Variants in TBC1D16 observed in about 807,000 individuals in gnomAD.
TBC1D16 encodes CTD-2529O21.1.
A neutral mutation model predicts 74.7 loss-of-function variants in TBC1D16; 58 were observed. That is an observed-to-expected ratio of 0.78 (90% CI 0.63 to 0.97). The LOEUF is 0.97. TBC1D16 is among the 50% of genes least tolerant of loss of function. TBC1D16 has a pLI of 0.00. For synonymous variants in TBC1D16, 493 were observed against 474.7 expected, an observed-to-expected ratio of 1.04 and a Z score of -0.50; for missense variants, 1,014 against 1,079.5, an observed-to-expected ratio of 0.94 and a Z score of 0.85.
Position 79,944,559 on chromosome 17 carries a change from C to T in TBC1D16, c.1908+349G>A, listed in dbSNP as rs145551713. ...GCAGGGCGGTCCCGAGGGGGTGGAGCGGTGCTGGCTCACGCTCGTGGGCAC... is the reference window on the plus strand; with the variant it reads ...GCAGGGCGGTCCCGAGGGGGTGGAGTGGTGCTGGCTCACGCTCGTGGGCAC... On this transcript the variant is annotated intron_variant, in intron 10 of 11. Coordinates refer to ENST00000310924, the MANE Select transcript of TBC1D16 (RefSeq NM_019020.4). The surrounding 1 kb of genome is among the most constrained non-coding windows in gnomAD (Gnocchi z 7.7). Among the ~76,000 whole-genome samples, 23 of 152,234 alleles carry T rather than the reference C, an allele frequency of 1.5e-4. No individual in the cohort carries two copies. Among genetic ancestry groups the T allele is most frequent in the South Asian group, 8.3e-4 (4 of 4,820 alleles).
In TBC1D16 at chr17:79,975,820, C is replaced by T. The variant is rs2034307933; in HGVS notation, c.780-23002G>A. On this transcript the variant is annotated intron_variant, in intron 3 of 11. Transcript: ENST00000310924. The surrounding 1 kb of genome is among the most constrained non-coding windows in gnomAD (Gnocchi z 4.5). ...TGCCCACACCTGCAGAGCATGAGCC[C>T]CACTTTGGAATGACGGGGTCTGTGC... Among the ~76,000 whole-genome samples the T allele has an allele frequency of 6.6e-6, 1 of 152,210 alleles. No homozygotes were observed. The highest frequency in any genetic ancestry group is 1.5e-5 in the Non-Finnish European group (1 of 68,048).
rs1456352474 is a variant in TBC1D16, at chr17:79,949,753, T to A, written c.1370A>T (p.Gln457Leu). ...GATCTCAGAGTACTCCTTTCGCTTC[T>A]GCAGCCGCAGCGCCTCCCGCTCCTC... ...TSEEREALRL[Q>L]KRKEYSEIQQ... Residue 457 changes from glutamine to leucine, a missense_variant, in exon 7 of 12, where the codon CAG becomes CTG. Physicochemically the swap from Gln to Leu is moderately radical, Grantham distance 113 (BLOSUM62 -2). Coordinates refer to ENST00000310924, the MANE Select transcript of TBC1D16 (RefSeq NM_019020.4). 6.2e-7 allele frequency: 1 copy of A among 1,613,240 alleles called. No homozygotes were observed. Among genetic ancestry groups the A allele is most frequent in the Admixed American group, 1.7e-5 (1 of 60,014 alleles).
chr17:79,960,778 C>CAA (rs1433555447), intron 3 of TBC1D16, among the ~76,000 whole-genome samples: 1 of 23,150 alleles, frequency 4.3e-5, no homozygotes, highest in African/African-American at 2.5e-4. Flanking sequence ...AAACAAAAAC[C>CAA]CAAAAAAAAA....
intron 10 of TBC1D16, among the ~76,000 whole-genome samples, chr17:79,943,617 C>G (rs1163657183): frequency 6.8e-6 from 1 of 147,120 alleles, no homozygotes; most frequent in African/African-American, 2.5e-5. Context: ...TGGGACCGAC[C>G]GTGGCTAAAT....
intron 9 of TBC1D16, 32 bp from the exon 10 acceptor site, chr17:79,945,119 T>A: frequency 6.5e-7 from 1 of 1,538,266 alleles, no homozygotes; most frequent in Non-Finnish European, 8.8e-7. Flanking sequence ...GTTAGTTAGC[T>A]CCGGTCCCAT....
intron 3 of TBC1D16, among the ~76,000 whole-genome samples, chr17:79,967,095 A>T (rs749089428): frequency 1.3e-5 from 2 of 152,208 alleles, no homozygotes; most frequent in Non-Finnish European, 2.9e-5. Flanking sequence ...ACAACTATAA[A>T]AAAAACCCCA....
At chr17:79,957,419 A>T (rs965324047) in intron 3 of TBC1D16, among the ~76,000 whole-genome samples, 6 of 152,320 alleles carry the variant, frequency 3.9e-5, no homozygotes, top group African/African-American at 1.4e-4. Context: ...CGTCTTACGA[A>T]GGGGTTTACT....
intron 1 of TBC1D16, among the ~76,000 whole-genome samples, chr17:80,034,828 A>T (rs1405054212): frequency 1.3e-5 from 2 of 152,090 alleles, no homozygotes; most frequent in African/African-American, 4.8e-5. Flanking sequence ...CTTTGCGCCC[A>T]CCCTCTGGCA....
In TBC1D16 at chr17:79,932,710, G is replaced by C. The variant is rs113171869; in HGVS notation, c.*8149C>G. The stretch of plus-strand genomic sequence containing the variant: ...GACTTTGGGTGTGGCCTTGGTGAAG[G>C]CTTCCCACTTTGGTGACTTGCATGT... On this transcript the variant is annotated 3_prime_UTR_variant, in exon 12 of 12. Transcript: ENST00000310924. 17 of 152,196 alleles carry C rather than the reference G, an allele frequency of 1.1e-4. No homozygotes were observed. Among genetic ancestry groups the C allele is most frequent in the African/African-American group, 3.9e-4 (16 of 41,452 alleles). 9.4% of individuals were successfully genotyped at this position (152,196 alleles called of 1,614,324 possible).
In TBC1D16 at chr17:79,981,041, G is replaced by T. The variant is rs993252800; in HGVS notation, c.780-28223C>A. ...CACCAACATCCTTTGATAAGACCTT[G>T]GCTACTCATTTATATTCATTTAAAT... On this transcript the variant is annotated intron_variant, in intron 3 of 11. Transcript: ENST00000310924. This position sits in a 1 kb window ranked among gnomAD's most constrained non-coding sequence, Gnocchi z 6.9. Among the ~76,000 whole-genome samples, 1 of 152,184 alleles carries T rather than the reference G, an allele frequency of 6.6e-6. No homozygotes were observed. Among genetic ancestry groups the T allele is most frequent in the Non-Finnish European group, 1.5e-5 (1 of 68,038 alleles).
At chr17:79,942,008 G>GA (rs2032051220) in intron 11 of TBC1D16, 52 bp downstream of exon 11, 1 of 1,503,874 alleles carries the variant, frequency 6.6e-7, no homozygotes, top group African/African-American at 1.4e-5. Flanking sequence ...AGCTGGTGGG[G>GA]TGGGGCTTTG....
At position 79,990,094 on chromosome 17, in the gene TBC1D16, G is replaced by A. The variant is rs1264064902; in HGVS notation, c.779+20066C>T. ...GATCTAATCTTGCCAGGCTCTGGAA[G>A]CTTCCGTCAAGGTTTTCCCACACTC... is the stretch of plus-strand genomic sequence containing the variant. On this transcript the variant is annotated intron_variant, in intron 3 of 11. Transcript: ENST00000310924. The surrounding 1 kb of genome is among the most constrained non-coding windows in gnomAD (Gnocchi z 4.8). 6.6e-6 allele frequency among the ~76,000 whole-genome samples: 1 copy of A among 152,218 alleles called. No individual in the cohort carries two copies. Among genetic ancestry groups the A allele is most frequent in the African/African-American group, 2.4e-5 (1 of 41,454 alleles).
rs2031759339 is a variant in TBC1D16 at position 79,938,431 on chromosome 17, C to T, written c.*2428G>A. 1 of 152,330 alleles carries T rather than the reference C, an allele frequency of 6.6e-6. No homozygotes were observed. The highest frequency in any genetic ancestry group is 2.4e-5 in the African/African-American group (1 of 41,440). The allele number at this position is 152,330 out of a possible 1,614,324, so 9.4% of individuals were successfully genotyped here. A position where few individuals can be genotyped will look rare whatever the true frequency, so the allele number is the denominator to read the frequency against. On this transcript the variant is annotated 3_prime_UTR_variant, in exon 12 of 12. Coordinates refer to ENST00000310924, the MANE Select transcript of TBC1D16 (RefSeq NM_019020.4). ...CAGCAGGGGTGAGAAGCTGTAGGGC[C>T]AGGAGACTCAGAAGGAATGCCTTCT...
intron 1 of TBC1D16, among the ~76,000 whole-genome samples, chr17:80,033,285 T>C (rs941596405): frequency 6.6e-6 from 1 of 152,176 alleles, no homozygotes; most frequent in Admixed American, 6.5e-5. Context: ...GTAGGTAGTA[T>C]AGATGGGGAA....
rs371611476 is a variant in TBC1D16 at position 79,975,868 on chromosome 17, C to T, written c.780-23050G>A. Among the ~76,000 whole-genome samples, 5 of 152,308 alleles carry T rather than the reference C, an allele frequency of 3.3e-5. No homozygotes were observed. Among genetic ancestry groups the T allele is most frequent in the African/African-American group, 1.2e-4 (5 of 41,570 alleles). On this transcript the variant is annotated intron_variant, in intron 3 of 11. Coordinates refer to ENST00000310924, the MANE Select transcript of TBC1D16 (RefSeq NM_019020.4). This position sits in a 1 kb window ranked among gnomAD's most constrained non-coding sequence, Gnocchi z 4.5. ...TGCAGAGACCGGGCAGAGCTCTGGGCTTCAGGATGGCAGCAGCAGCTCCGG... is the reference window on the plus strand; with the variant it reads ...TGCAGAGACCGGGCAGAGCTCTGGGTTTCAGGATGGCAGCAGCAGCTCCGG...
rs1400501748 is a variant in TBC1D16, at chr17:79,936,773, G to C, written c.*4086C>G. On this transcript the variant is annotated 3_prime_UTR_variant, in exon 12 of 12. Transcript: ENST00000310924. Reference sequence around the variant, plus strand: ...TGGCTTAGAAACAAGGGACGAAGTGGATCCTGAGGCTCATTCCCTGGGGAC... The same window carrying C: ...TGGCTTAGAAACAAGGGACGAAGTGCATCCTGAGGCTCATTCCCTGGGGAC... The C allele has an allele frequency of 2.0e-5, 3 of 152,268 alleles. No individual in the cohort carries two copies. The highest frequency in any genetic ancestry group is 7.2e-5 in the African/African-American group (3 of 41,456). The allele number at this position is 152,268 out of a possible 1,614,324, so 9.4% of individuals were successfully genotyped here. A position where few individuals can be genotyped will look rare whatever the true frequency, so the allele number is the denominator to read the frequency against.
rs2031649939 is a variant in TBC1D16 at position 79,936,920 on chromosome 17, G to GTC, written c.*3938_*3939insGA. On this transcript the variant is annotated 3_prime_UTR_variant, in exon 12 of 12. Transcript: ENST00000310924. The stretch of plus-strand genomic sequence containing the variant: ...CGTGTGTGCATGTGCGTGTGTGTGT[G>GTC]TGTGTGTGTGTGTGTGTGTGCGCAT... 6.6e-6 allele frequency: 1 copy of GTC among 151,288 alleles called. No individual in the cohort carries two copies. The highest frequency in any genetic ancestry group is 2.0e-4 in the East Asian group (1 of 5,128). The allele number at this position is 151,288 out of a possible 1,614,324, so 9.4% of individuals were successfully genotyped here.
intron 1 of TBC1D16, among the ~76,000 whole-genome samples, chr17:80,015,645 C>G (rs2036060790): frequency 6.6e-6 from 1 of 151,990 alleles, no homozygotes; most frequent in Non-Finnish European, 1.5e-5. Flanking sequence ...TTGAAGCCAA[C>G]ATGATAAGAA....
chr17:79,943,676 C>A (rs1324602770), intron 10 of TBC1D16, among the ~76,000 whole-genome samples: 1 of 151,702 alleles, frequency 6.6e-6, no homozygotes, highest in East Asian at 1.9e-4. Context: ...GGACTTCCAA[C>A]ACAATGGCAG....
Sources: gnomAD v4.1 joint callset for allele counts (sites outside exome capture counted in the v4.1 genomes callset) on GRCh38, gnomAD v4.1.1 for gene constraint, Gnocchi (gnomAD v3.1) non-coding constraint, MANE v1.5 for transcripts, NCBI Gene and HGNC (gene_info 2026-07-23, HGNC 2026-07-21) for gene names.